The following PDE3B variants were observed in gnomAD, a reference collection of about 807,000 sequenced individuals.
The protein encoded by PDE3B is cGMP-inhibited 3',5'-cyclic phosphodiesterase 3B.
PDE3B carries 66 observed loss-of-function variants against 116.8 expected under a neutral mutation model. That is an observed-to-expected ratio of 0.56 (90% CI 0.46 to 0.69). The LOEUF (loss-of-function observed/expected upper bound fraction) is 0.69, where lower values mean the gene tolerates loss of function less well. Ranked by LOEUF, PDE3B falls within the 30% of genes least tolerant of loss-of-function variation. The pLI, the probability that PDE3B is intolerant of heterozygous loss-of-function variation, is 0.00. For missense variants in PDE3B, 1,384 were observed against 1,368.1 expected (o/e 1.01, Z -0.18); for synonymous variants, 595 against 533.6 (o/e 1.12, Z -1.59).
chr11:14,733,398 CTTG>C (rs1332914999), intron 1 of PDE3B, among the ~76,000 whole-genome samples: 1 of 152,144 alleles, frequency 6.6e-6, no homozygotes, highest in Non-Finnish European at 1.5e-5. Flanking sequence ...CCCAACCTCT[CTTG>C]TTTATTTCTT....
chr11:14,713,157 CTG>C (rs1855758825), intron 1 of PDE3B, among the ~76,000 whole-genome samples: 1 of 152,156 alleles, frequency 6.6e-6, no homozygotes, highest in African/African-American at 2.4e-5. Context: ...ACACAAGTAT[CTG>C]TTACTCAAAG....
the PDE3B span, chr11:14,890,776 C>T: frequency 5.5e-6 from 4 of 728,700 alleles, no homozygotes; most frequent in Non-Finnish European, 6.7e-6. Flanking sequence ...TCTCGATCTC[C>T]TGATTTCGTG....
rs782698994 is a variant in PDE3B, at chr11:14,870,179, C to T, written c.*519C>T. On this transcript the variant is annotated 3_prime_UTR_variant, in exon 16 of 16. Transcript: ENST00000282096. This position sits in a 1 kb window ranked among gnomAD's most constrained non-coding sequence, Gnocchi z 4.1. ...CTTTCTGAGGGATTTCTGCTCAATG[C>T]AATACACTGTTCAGTGCTATTCTCC... 6.5e-6 allele frequency: 1 copy of T among 153,966 alleles called. No homozygotes were observed. Among genetic ancestry groups the T allele is most frequent in the Non-Finnish European group, 1.4e-5 (1 of 69,292 alleles). The allele number at this position is 153,966 out of a possible 1,614,324, so 9.5% of individuals were successfully genotyped here.
At chr11:14,740,319 T>C (rs1278273541) in intron 1 of PDE3B, among the ~76,000 whole-genome samples, 1 of 152,194 alleles carries the variant, frequency 6.6e-6, no homozygotes, top group Non-Finnish European at 1.5e-5. Context: ...TTCTTCCTGG[T>C]TTAGACTTGG....
At chr11:14,645,501 T>C (rs899556559) in intron 1 of PDE3B, among the ~76,000 whole-genome samples, 5 of 152,234 alleles carry the variant, frequency 3.3e-5, no homozygotes, top group Non-Finnish European at 7.3e-5. Context: ...AGGATACATC[T>C]ATGAGTTTTA....
chr11:14,662,436 C>CA (rs764801680), intron 1 of PDE3B, among the ~76,000 whole-genome samples: 1 of 152,146 alleles, frequency 6.6e-6, no homozygotes, highest in Non-Finnish European at 1.5e-5. Context: ...TCCTCACTAG[C>CA]AATGGAACAA....
intron 11 of PDE3B, 118 bp from the exon 12 acceptor site, chr11:14,843,709 T>A: frequency 5.4e-6 from 4 of 734,824 alleles, no homozygotes; most frequent in Non-Finnish European, 7.0e-6. Context: ...TTTTAGTTCT[T>A]ACTTAAATCA....
intron 1 of PDE3B, among the ~76,000 whole-genome samples, chr11:14,688,149 C>T (rs902736527): frequency 7.7e-6 from 1 of 130,170 alleles, no homozygotes; most frequent in African/African-American, 2.6e-5. Context: ...CTCTCCCTCC[C>T]TCCCTCCATC....
At chr11:14,881,461 T>A in the PDE3B span, among the ~76,000 whole-genome samples, 1 of 152,104 alleles carries the variant, frequency 6.6e-6, no homozygotes, top group Non-Finnish European at 1.5e-5. Flanking sequence ...TCAGTGCACA[T>A]ATTTATGTAA....
chr11:14,829,901 A>C (rs1236289891), intron 7 of PDE3B, among the ~76,000 whole-genome samples: 1 of 152,130 alleles, frequency 6.6e-6, no homozygotes, highest in Non-Finnish European at 1.5e-5. Context: ...ATTACCCATC[A>C]TGACCCCTTC....
chr11:14,716,234 C>G (rs986979611), intron 1 of PDE3B, among the ~76,000 whole-genome samples: 4 of 152,190 alleles, frequency 2.6e-5, no homozygotes, highest in Non-Finnish European at 4.4e-5. Context: ...CGGCGCACCA[C>G]GAGACTATAT....
chr11:14,755,883 A>T (rs371729179), intron 1 of PDE3B, among the ~76,000 whole-genome samples: 7 of 152,324 alleles, frequency 4.6e-5, no homozygotes, highest in African/African-American at 1.7e-4. Flanking sequence ...ACAATTATTC[A>T]TTCTTTTAAG....
intron 2 of PDE3B, chr11:14,773,470 C>A (rs1590132179): frequency 6.6e-6 from 1 of 152,154 alleles, no homozygotes; most frequent in East Asian, 1.9e-4. Context: ...TTACCAAGAA[C>A]CTTGATATCA....
At chr11:14,741,171 G>A (rs867230587) in intron 1 of PDE3B, among the ~76,000 whole-genome samples, 48 of 151,976 alleles carry the variant, frequency 3.2e-4, no homozygotes, top group Middle Eastern at 3.4e-3. Context: ...ATTTTCTATC[G>A]TATTGATCTG....
chr11:14,855,556 A>G (rs1555006041), intron 12 of PDE3B, among the ~76,000 whole-genome samples: 1 of 152,178 alleles, frequency 6.6e-6, no homozygotes, highest in Non-Finnish European at 1.5e-5. Flanking sequence ...GCATTGTTAT[A>G]TTAAATAAAA....
At chr11:14,873,985 G>A (rs1555009423), downstream of PDE3B, among the ~76,000 whole-genome samples, 1 of 152,122 alleles carries the variant, frequency 6.6e-6, no homozygotes, top group African/African-American at 2.4e-5. Flanking sequence ...TCAGGAGTTC[G>A]AGACCAGCCT....
intron 1 of PDE3B, among the ~76,000 whole-genome samples, chr11:14,682,539 G>C (rs1854742785): frequency 6.6e-6 from 1 of 152,150 alleles, no homozygotes; most frequent in African/African-American, 2.4e-5. Flanking sequence ...TATCATGAAT[G>C]AATGTTGAAT....
At chr11:14,700,664 A>G (rs1039367543) in intron 1 of PDE3B, 4 of 151,746 alleles carry the variant, frequency 2.6e-5, no homozygotes, top group Non-Finnish European at 4.4e-5. Flanking sequence ...TGTTTTTCTG[A>G]TGTTCAAGTG....
In PDE3B at chr11:14,861,167, C is replaced by A. The variant is rs188380070; in HGVS notation, c.2725-38C>A. On this transcript the variant is annotated intron_variant, in intron 13 of 15. Coordinates refer to ENST00000282096, the MANE Select transcript of PDE3B (RefSeq NM_000922.4). ...AACAAAACAACAAGTTTTAAAAATG[C>A]CTTCAGAACCTAAAATGATGTTGTT... 7.9e-6 allele frequency: 12 copies of A among 1,510,196 alleles called. No individual in the cohort carries two copies. The East Asian group carries it at 2.6e-4, about 32-fold the overall frequency. 93.5% of individuals were successfully genotyped at this position (1,510,196 alleles called of 1,614,324 possible).
Sources: allele counts gnomAD v4.1 joint callset (sites outside exome capture counted in the v4.1 genomes callset), GRCh38; gene constraint gnomAD v4.1.1; non-coding constraint Gnocchi (gnomAD v3.1); transcripts MANE v1.5; gene names NCBI Gene and HGNC (gene_info 2026-07-23, HGNC 2026-07-21).